Variants in ADAMTSL1 observed in about 807,000 individuals in gnomAD.
ADAMTSL1 encodes ADAMTS like 1, also known as ADAMTS-like protein 1.
ADAMTSL1 carries 126 observed loss-of-function variants against 201.8 expected under a neutral mutation model. The observed-to-expected ratio is 0.62, with a 90% CI of 0.54 to 0.72. The LOEUF is 0.72. Ranked by LOEUF, ADAMTSL1 falls within the 30% of genes least tolerant of loss-of-function variation. ADAMTSL1 has a pLI of 0.00. For synonymous variants in ADAMTSL1, 1,121 were observed against 903.4 expected, an observed-to-expected ratio of 1.24 and a Z score of -4.32; for missense variants, 2,679 against 2,277.8, an observed-to-expected ratio of 1.18 and a Z score of -3.59.
chr9:18,343,980 C>A (rs149307901), intron 2 of ADAMTSL1, among the ~76,000 whole-genome samples: 357 of 152,236 alleles, frequency 2.3e-3, no homozygotes, highest in African/African-American at 7.8e-3. Context: ...TTGCTACAAT[C>A]CCATGTGATT....
chr9:18,685,700 G>A (rs914644855), intron 13 of ADAMTSL1, among the ~76,000 whole-genome samples: 16 of 152,098 alleles, frequency 1.1e-4, no homozygotes, highest in Non-Finnish European at 1.8e-4. Context: ...ATAAATTAAC[G>A]TTGCAACCTA....
chr9:18,745,642 G>C (rs1186347387), intron 15 of ADAMTSL1, among the ~76,000 whole-genome samples: 1 of 152,058 alleles, frequency 6.6e-6, no homozygotes, highest in East Asian at 1.9e-4. Flanking sequence ...AGAGAACTAG[G>C]AAATACTGTA....
chr9:18,650,559 A>G (rs572206732), intron 7 of ADAMTSL1, among the ~76,000 whole-genome samples: 30 of 152,142 alleles, frequency 2.0e-4, no homozygotes, highest in Non-Finnish European at 3.1e-4. Context: ...ATGGAATTTT[A>G]TTGCCAAAAT....
At chr9:18,814,217 C>CT (rs1312491678) in intron 20 of ADAMTSL1, among the ~76,000 whole-genome samples, 1 of 152,130 alleles carries the variant, frequency 6.6e-6, no homozygotes, top group Non-Finnish European at 1.5e-5. Context: ...TTGAACCATC[C>CT]TTGTGTCTGT....
At chr9:18,444,200 T>C (rs1167039497) in intron 2 of ADAMTSL1, among the ~76,000 whole-genome samples, 1 of 152,202 alleles carries the variant, frequency 6.6e-6, no homozygotes, top group Non-Finnish European at 1.5e-5. Context: ...TTTTTAGTTT[T>C]TGCAGTGAAT....
chr9:18,319,145 A>T (rs1018069305), intron 2 of ADAMTSL1, among the ~76,000 whole-genome samples: 2 of 152,100 alleles, frequency 1.3e-5, no homozygotes, highest in African/African-American at 4.8e-5. Flanking sequence ...CAGGAGTTCA[A>T]AGCTGCACTG....
intron 1 of ADAMTSL1, among the ~76,000 whole-genome samples, chr9:17,948,000 A>C (rs1338273089): frequency 1.3e-5 from 2 of 152,142 alleles, no homozygotes; most frequent in African/African-American, 4.8e-5. Context: ...TCATGTGGTC[A>C]CTGATGCACT....
chr9:18,027,265 G>A (rs1820741387), intron 1 of ADAMTSL1, among the ~76,000 whole-genome samples: 1 of 151,452 alleles, frequency 6.6e-6, no homozygotes, highest in African/African-American at 2.4e-5. Context: ...CTTGGGGGTT[G>A]ATTTGCTCTT....
chr9:18,850,831 T>C (rs1314338942), intron 23 of ADAMTSL1, among the ~76,000 whole-genome samples: 2 of 152,222 alleles, frequency 1.3e-5, no homozygotes, highest in African/African-American at 4.8e-5. Context: ...TTTAATTGAG[T>C]TCCCTTTGAC....
At chr9:18,155,825 G>T (rs1827128856) in intron 1 of ADAMTSL1, among the ~76,000 whole-genome samples, 1 of 151,974 alleles carries the variant, frequency 6.6e-6, no homozygotes, top group Non-Finnish European at 1.5e-5. Flanking sequence ...AATAGTACTT[G>T]GGTCAAAAGA....
At chr9:18,878,602 A>G (rs1828321705) in intron 23 of ADAMTSL1, among the ~76,000 whole-genome samples, 1 of 151,928 alleles carries the variant, frequency 6.6e-6, no homozygotes, top group Non-Finnish European at 1.5e-5. Context: ...GCAGATTCTC[A>G]CCCTCTCACA....
chr9:18,588,884 C>CATATATATATATATAT (rs754566534), intron 4 of ADAMTSL1, among the ~76,000 whole-genome samples: 18 of 122,858 alleles, frequency 1.5e-4, no homozygotes, highest in African/African-American at 3.8e-4. Context: ...TATACATATA[C>CATATATATATATATAT]ATATATATAT....
intron 7 of ADAMTSL1, among the ~76,000 whole-genome samples, chr9:18,647,159 T>C (rs1156912774): frequency 6.6e-6 from 1 of 152,206 alleles, no homozygotes; most frequent in Non-Finnish European, 1.5e-5. Context: ...TTCTAGATTT[T>C]CTAGTTTATT....
At chr9:18,215,383 TTAAG>T (rs1419427424) in intron 2 of ADAMTSL1, among the ~76,000 whole-genome samples, 1 of 152,172 alleles carries the variant, frequency 6.6e-6, no homozygotes, top group Non-Finnish European at 1.5e-5. Flanking sequence ...CTATAATAAC[TTAAG>T]TATTTTATAA....
intron 3 of ADAMTSL1, among the ~76,000 whole-genome samples, chr9:18,560,686 C>G (rs1821428543): frequency 6.6e-6 from 1 of 151,480 alleles, no homozygotes; most frequent in African/African-American, 2.4e-5. Context: ...AATTTCAGAA[C>G]TTGTTATTGG....
chr9:18,843,579 C>T (rs1825876355), intron 23 of ADAMTSL1, among the ~76,000 whole-genome samples: 1 of 150,336 alleles, frequency 6.7e-6, no homozygotes, highest in African/African-American at 2.5e-5. Context: ...TGAATGTTGC[C>T]CTGCCTTGCT....
intron 2 of ADAMTSL1, among the ~76,000 whole-genome samples, chr9:18,454,581 C>T (rs979275065): frequency 2.6e-5 from 4 of 152,100 alleles, no homozygotes; most frequent in Non-Finnish European, 5.9e-5. Flanking sequence ...CACACCTATC[C>T]CTCTCAGTTA....
At chr9:18,586,539 A>G (rs554195167) in intron 4 of ADAMTSL1, among the ~76,000 whole-genome samples, 6 of 152,230 alleles carry the variant, frequency 3.9e-5, no homozygotes, top group Non-Finnish European at 8.8e-5. Flanking sequence ...TACAGATTCA[A>G]TGTTATTCCT....
intron 1 of ADAMTSL1, among the ~76,000 whole-genome samples, chr9:17,913,011 T>A (rs917440528): frequency 6.6e-5 from 10 of 152,218 alleles, no homozygotes; most frequent in African/African-American, 2.4e-4. Context: ...TGTGGCGTTA[T>A]TTCTGAGGGC....
Sources: gnomAD v4.1 joint callset for allele counts (sites outside exome capture counted in the v4.1 genomes callset) on GRCh38, gnomAD v4.1.1 for gene constraint, MANE v1.5 for transcripts, NCBI Gene and HGNC (gene_info 2026-07-23, HGNC 2026-07-21) for gene names.